The following STK11 variants were observed in gnomAD, a reference collection of about 807,000 sequenced individuals.
The protein encoded by STK11 is serine/threonine kinase 11.
A neutral mutation model predicts 47.3 loss-of-function variants in STK11; 8 were observed. The ratio of observed to expected loss-of-function variants is 0.17; its 90% confidence interval spans 0.10 to 0.31. The LOEUF is 0.31. Ranked by LOEUF, STK11 falls within the 10% of genes least tolerant of loss-of-function variation. The pLI is 1.00. For missense variants in STK11, 475 were observed against 605.0 expected (o/e 0.79, Z 2.25); for synonymous variants, 330 against 255.8 (o/e 1.29, Z -2.77).
chr19:1,207,310 C>T (rs2080674958), intron 1 of STK11, 107 bp downstream of exon 1: 1 of 1,423,672 alleles, frequency 7.0e-7, no homozygotes, highest in African/African-American at 1.4e-5. Flanking sequence ...CCTCTTAACA[C>T]CCTGAGCTGG....
intron 8 of STK11, chr19:1,224,113 C>T (rs2080804931): frequency 5.0e-6 from 5 of 991,752 alleles, no homozygotes; most frequent in Non-Finnish European, 6.0e-6. Context: ...CCTCATCAAA[C>T]CCCTAGGCTC....
intron 9 of STK11, chr19:1,227,365 C>CCCACAGCCCAT: frequency 3.9e-6 from 1 of 256,344 alleles, no homozygotes; most frequent in Non-Finnish European, 6.7e-6. Context: ...CAAATGGGTG[C>CCCACAGCCCAT]CCACAGCCCA....
Position 1,226,515 on chromosome 19 carries a change from G to A in STK11, c.1170G>A (p.Val390=), listed in dbSNP as rs367911165. ...NGQRRGLPKA[V]CMNGTEAAQL... ...AGCGCCGGGGCCTCCCCAAGGCCGT[G>A]TGTATGAACGGCACAGAGGCGGCGC... The change falls in exon 9 of 10, where the codon GTG becomes GTA. Residue 390 remains valine (V), a synonymous_variant. Coordinates refer to ENST00000326873, the MANE Select transcript of STK11 (RefSeq NM_000455.5). 1 of 1,610,350 alleles carries A rather than the reference G, an allele frequency of 6.2e-7. No individual in the cohort carries two copies. Among genetic ancestry groups the A allele is most frequent in the Non-Finnish European group, 8.5e-7 (1 of 1,178,992 alleles).
chr19:1,209,919 C>G (rs2080697836), intron 1 of STK11, among the ~76,000 whole-genome samples: 1 of 152,196 alleles, frequency 6.6e-6, no homozygotes, highest in Admixed American at 6.5e-5. Flanking sequence ...TGCGTCGCAG[C>G]TACCCACAGC....
chr19:1,221,747 C>T (rs906463733), intron 6 of STK11: 5 of 639,132 alleles, frequency 7.8e-6, no homozygotes, highest in African/African-American at 7.3e-5. Flanking sequence ...CCCTGTCTCC[C>T]TGCCAGCCGC....
intron 1 of STK11, among the ~76,000 whole-genome samples, chr19:1,217,487 C>T (rs900075771): frequency 1.3e-5 from 2 of 152,128 alleles, no homozygotes; most frequent in African/African-American, 4.8e-5. Context: ...GAAGTGTCTG[C>T]GACAGGGCGG....
rs114929553 is a variant in STK11 at position 1,217,628 on chromosome 19, A to G, written c.291-789A>G. On this transcript the variant is annotated intron_variant, in intron 1 of 9. Transcript: ENST00000326873. Reference sequence around the variant, plus strand: ...CGGGTGGGTGTGGCAGGACCCCACAATGTCTCTTTCTGTGGCGTCTCCTTC... The same window carrying G: ...CGGGTGGGTGTGGCAGGACCCCACAGTGTCTCTTTCTGTGGCGTCTCCTTC... Among the ~76,000 whole-genome samples, 742 of 152,214 alleles carry G rather than the reference A, an allele frequency of 4.9e-3. 7 individuals carry two copies. Among genetic ancestry groups the G allele is most frequent in the African/African-American group, 0.017 (706 of 41,534 alleles).
chr19:1,217,093 G>C (rs1250744001), intron 1 of STK11, among the ~76,000 whole-genome samples: 1 of 152,020 alleles, frequency 6.6e-6, no homozygotes, highest in African/African-American at 2.4e-5. Flanking sequence ...TGTTCCTCAG[G>C]GTGTGTACCT....
chr19:1,220,890 T>C (rs1453909819), intron 5 of STK11, among the ~76,000 whole-genome samples, 173 bp downstream of exon 5: 1 of 152,178 alleles, frequency 6.6e-6, no homozygotes, highest in Non-Finnish European at 1.5e-5. Flanking sequence ...CGGCAGATGG[T>C]GGTTCACCCG....
At chr19:1,221,113 G>T in intron 5 of STK11, 100 bp from the exon 6 acceptor site, 1 of 1,528,624 alleles carries the variant, frequency 6.5e-7, no homozygotes, top group Non-Finnish European at 8.9e-7. Context: ...CTCTGGTCCA[G>T]CAGCCACGGG....
At chr19:1,220,321 C>T in intron 3 of STK11, 52 bp from the exon 4 acceptor site, 1 of 1,566,014 alleles carries the variant, frequency 6.4e-7, no homozygotes, top group South Asian at 1.2e-5. Flanking sequence ...AAGGGGACCC[C>T]TGTGAGGGGC....
intron 1 of STK11, 100 bp downstream of exon 1, chr19:1,207,303 C>T (rs2080674933): frequency 2.8e-6 from 4 of 1,449,328 alleles, no homozygotes; most frequent in Non-Finnish European, 2.8e-6. Flanking sequence ...CTTACTTCCT[C>T]TTAACACCCT....
chr19:1,223,183 C>CG lies in STK11; in HGVS notation c.1108+16dup. The CG allele has an allele frequency of 1.2e-6, 2 of 1,606,176 alleles. No individual in the cohort carries two copies. Among genetic ancestry groups the CG allele is most frequent in the South Asian group, 1.1e-5 (1 of 89,998 alleles). On this transcript the variant is annotated intron_variant, in intron 8 of 9. Transcript: ENST00000326873. ...ACTTCACGGTGCCCGGTGAGTCTGGCGGGGGCCCCTGCCCGGCTCTGCTGA... is the reference window on the plus strand; with the variant it reads ...ACTTCACGGTGCCCGGTGAGTCTGGCGGGGGGCCCCTGCCCGGCTCTGCTGA...
chr19:1,225,960 G>A, intron 8 of STK11: 1 of 991,680 alleles, frequency 1.0e-6, no homozygotes. Context: ...GGGGGCCCTG[G>A]CAGGCTGAGC....
chr19:1,213,524 G>A (rs1004163255), intron 1 of STK11, among the ~76,000 whole-genome samples: 2 of 152,310 alleles, frequency 1.3e-5, no homozygotes, highest in East Asian at 1.9e-4. Flanking sequence ...GTCACACACC[G>A]CGTGGCCTTT....
In STK11 at chr19:1,221,740, T is replaced by C. The variant is rs564627373; in HGVS notation, c.863-209T>C. 7.6e-4 allele frequency: 481 copies of C among 628,956 alleles called. 2 individuals are homozygous for C. In the African/African-American group the frequency reaches 8.2e-3, roughly 11 times the overall value. 39.0% of individuals were successfully genotyped at this position (628,956 alleles called of 1,614,324 possible). ...CCGCCCTGGCCGTCCAGCCCAGCCCTGTCTCCCTGCCAGCCGCGCACAGGC... is the reference window on the plus strand; with the variant it reads ...CCGCCCTGGCCGTCCAGCCCAGCCCCGTCTCCCTGCCAGCCGCGCACAGGC... On this transcript the variant is annotated intron_variant, in intron 6 of 9. Transcript: ENST00000326873.
chr19:1,222,062 G>A, intron 7 of STK11, 56 bp downstream of exon 7: 1 of 1,542,216 alleles, frequency 6.5e-7, no homozygotes, highest in Non-Finnish European at 8.8e-7. Flanking sequence ...GGCCATGTGG[G>A]CAGCTGGTTG....
rs781303270 is a variant in STK11 at position 1,226,560 on chromosome 19, G to A, written c.1215G>A (p.Arg405=). 6.3e-7 allele frequency: 1 copy of A among 1,596,672 alleles called. No individual in the cohort carries two copies. The highest frequency in any genetic ancestry group is 1.3e-5 in the African/African-American group (1 of 74,682). ...CGGCGCAGCTGAGCACCAAATCCAG[G>A]GCGGAGGGCCGGGCCCCCAACCCTG... ...TEAAQLSTKS[R]AEGRAPNPAR... Residue 405 remains arginine, a synonymous_variant, in exon 9 of 10, where the codon AGG becomes AGA. Transcript: ENST00000326873.
chr19:1,206,766 GT>G lies in STK11; in HGVS notation c.-143del. ...AACAATCGTTTCTGTTGGAAGAAGG[GT>G]TTTTCCCTTCCTTTTGGGGTTTTTG... On this transcript the variant is annotated 5_prime_UTR_variant, in exon 1 of 10. Transcript: ENST00000326873. 2 of 1,064,896 alleles carry G rather than the reference GT, an allele frequency of 1.9e-6. No individual in the cohort carries two copies. Among genetic ancestry groups the G allele is most frequent in the Non-Finnish European group, 2.6e-6 (2 of 762,716 alleles). 66.0% of individuals were successfully genotyped at this position (1,064,896 alleles called of 1,614,324 possible). A position where few individuals can be genotyped will look rare whatever the true frequency, so the allele number is the denominator to read the frequency against.
Sources: allele counts gnomAD v4.1 joint callset (sites outside exome capture counted in the v4.1 genomes callset), GRCh38; gene constraint gnomAD v4.1.1; transcripts MANE v1.5; gene names NCBI Gene and HGNC (gene_info 2026-07-23, HGNC 2026-07-21).